Variants in LRCH1 observed in about 807,000 individuals in gnomAD.
LRCH1 encodes the protein leucine rich repeats and calponin homology domain containing 1, also known as leucine-rich repeat and calponin homology domain-containing protein 1.
A neutral mutation model predicts 94.9 loss-of-function variants in LRCH1; 23 were observed. The observed-to-expected ratio is 0.24, with a 90% CI of 0.17 to 0.34. LRCH1 has a LOEUF of 0.34. LRCH1 is among the 10% of genes least tolerant of loss of function. The pLI is 1.00. For synonymous variants in LRCH1, 364 were observed against 354.9 expected (o/e 1.03, Z -0.29); for missense variants, 790 against 945.9 (o/e 0.84, Z 2.16).
intron 3 of LRCH1, among the ~76,000 whole-genome samples, chr13:46,675,608 T>TG (rs1366977738): frequency 6.6e-6 from 1 of 152,224 alleles, no homozygotes; most frequent in Non-Finnish European, 1.5e-5. Flanking sequence ...GATTGATTAT[T>TG]GAGCAGCTGC....
chr13:46,695,165 C>A, intron 9 of LRCH1, 148 bp downstream of exon 9: 2 of 926,174 alleles, frequency 2.2e-6, no homozygotes, highest in South Asian at 1.7e-5. Flanking sequence ...CAGCGCTCAG[C>A]GTGTCTATTT....
At position 46,740,952 on chromosome 13, in the gene LRCH1, A is replaced by G. The variant is rs73488544; in HGVS notation, c.2086-690A>G. Among the ~76,000 whole-genome samples, 217 of 152,312 alleles carry G rather than the reference A, an allele frequency of 1.4e-3. 1 individual carries two copies. Among genetic ancestry groups the G allele is most frequent in the African/African-American group, 3.7e-3 (154 of 41,562 alleles). On this transcript the variant is annotated intron_variant, in intron 19 of 19. Transcript: ENST00000389797. ...CCTGTTTAGTAGTGAAGCAATTTAC[A>G]TAGTAACTCCATGTGGGGGTGTACT...
chr13:46,719,472 A>G (rs1489606418), intron 16 of LRCH1, among the ~76,000 whole-genome samples: 1 of 152,204 alleles, frequency 6.6e-6, no homozygotes. Context: ...GACACAGATA[A>G]AAGAATTTTG....
chr13:46,576,846 T>C (rs1279127257), intron 1 of LRCH1, among the ~76,000 whole-genome samples: 1 of 152,222 alleles, frequency 6.6e-6, no homozygotes, highest in Non-Finnish European at 1.5e-5. Flanking sequence ...ACATTTATGA[T>C]GGCACAGTTT....
chr13:46,744,710 A>G lies in LRCH1; in HGVS notation c.*2862A>G. ...AGATGCCTGATTGAGTCATAAGGAC[A>G]AAAGGGTGTTTTGCCTTTGCCTGTG... On this transcript the variant is annotated 3_prime_UTR_variant, in exon 20 of 20. Transcript: ENST00000389797. The G allele has an allele frequency of 2.0e-6, 2 of 985,470 alleles. No homozygotes were observed. Among genetic ancestry groups the G allele is most frequent in the Non-Finnish European group, 2.4e-6 (2 of 829,942 alleles). 61.0% of individuals were successfully genotyped at this position (985,470 alleles called of 1,614,324 possible).
At chr13:46,697,427 C>T (rs1413766464) in intron 9 of LRCH1, among the ~76,000 whole-genome samples, 2 of 152,138 alleles carry the variant, frequency 1.3e-5, no homozygotes, top group African/African-American at 2.4e-5. Flanking sequence ...AACTCATGCC[C>T]GAAGGAAGCT....
chr13:46,578,696 T>C (rs1221488553), intron 1 of LRCH1, among the ~76,000 whole-genome samples: 1 of 152,230 alleles, frequency 6.6e-6, no homozygotes, highest in Non-Finnish European at 1.5e-5. Context: ...GGGCAGTCCC[T>C]GAGAGCTGGT....
intron 1 of LRCH1, among the ~76,000 whole-genome samples, chr13:46,610,578 G>GT (rs1013363815): frequency 6.6e-6 from 1 of 151,116 alleles, no homozygotes; most frequent in African/African-American, 2.4e-5. Context: ...AGGATGTTTG[G>GT]TTTTTCATTC....
chr13:46,699,775 C>T (rs750747221), intron 10 of LRCH1, among the ~76,000 whole-genome samples: 5 of 152,208 alleles, frequency 3.3e-5, no homozygotes, highest in Admixed American at 1.3e-4. Flanking sequence ...CAAGTCATCC[C>T]CTTCAAGATC....
chr13:46,581,269 C>A (rs1431792825), intron 1 of LRCH1, among the ~76,000 whole-genome samples: 1 of 152,170 alleles, frequency 6.6e-6, no homozygotes, highest in African/African-American at 2.4e-5. Flanking sequence ...ACCTCAGCCC[C>A]CTAGACCTCT....
exon 19 of LRCH1, chr13:46,751,352 A>G (rs963669996): frequency 2.0e-5 from 3 of 152,162 alleles, no homozygotes; most frequent in African/African-American, 4.8e-5. Context: ...TTTAGGACAC[A>G]ACTTTTCTGG....
At chr13:46,593,176 C>G (rs535390045) in intron 1 of LRCH1, among the ~76,000 whole-genome samples, 1 of 151,798 alleles carries the variant, frequency 6.6e-6, no homozygotes, top group Admixed American at 6.6e-5. Flanking sequence ...TTCAGTACTT[C>G]CATTTACTCA....
chr13:46,589,412 G>A (rs1203015121), intron 1 of LRCH1, among the ~76,000 whole-genome samples: 1 of 151,744 alleles, frequency 6.6e-6, no homozygotes, highest in Admixed American at 6.6e-5. Context: ...AAAAATGAAC[G>A]ATAATTTTCT....
In LRCH1 at chr13:46,731,366, G is replaced by T. The variant is rs577210980; in HGVS notation, c.2007+2382G>T. Among the ~76,000 whole-genome samples the T allele has an allele frequency of 1.1e-4, 17 of 152,120 alleles. 1 individual carries two copies. The South Asian group carries it at 3.3e-3, about 30-fold the overall frequency. ...GTGGCTCAGCCTCCTGAATAGCTGG[G>T]ATTACAGGTGCCCACCACCACGCCT... On this transcript the variant is annotated intron_variant, in intron 18 of 19. Coordinates refer to ENST00000389797, the MANE Select transcript of LRCH1 (RefSeq NM_001164211.2).
intron 1 of LRCH1, among the ~76,000 whole-genome samples, chr13:46,638,330 G>C (rs745333961): frequency 3.9e-5 from 6 of 152,154 alleles, no homozygotes; most frequent in Non-Finnish European, 7.4e-5. Flanking sequence ...GATAAAACTT[G>C]TGGCAATAAT....
chr13:46,619,935 T>A (rs202105696), intron 1 of LRCH1, among the ~76,000 whole-genome samples: 1 of 152,246 alleles, frequency 6.6e-6, no homozygotes, highest in East Asian at 1.9e-4. Flanking sequence ...TACATTTTAG[T>A]TCTTTCAATA....
chr13:46,596,390 T>C (rs1448123561), intron 1 of LRCH1, among the ~76,000 whole-genome samples: 1 of 152,072 alleles, frequency 6.6e-6, no homozygotes, highest in East Asian at 1.9e-4. Flanking sequence ...TCCAGGGAGA[T>C]AAAAAAAATC....
intron 1 of LRCH1, among the ~76,000 whole-genome samples, chr13:46,589,114 G>A (rs1350892988): frequency 1.3e-5 from 2 of 152,070 alleles, no homozygotes; most frequent in East Asian, 1.9e-4. Flanking sequence ...ATAGCTCACT[G>A]CAGCCTCGAA....
chr13:46,673,402 A>C (rs1332623601), intron 3 of LRCH1, among the ~76,000 whole-genome samples: 1 of 152,262 alleles, frequency 6.6e-6, no homozygotes, highest in Non-Finnish European at 1.5e-5. Context: ...GGTCTAAAAA[A>C]AAGATTATTT....
Sources: gnomAD v4.1 joint callset for allele counts (sites outside exome capture counted in the v4.1 genomes callset) on GRCh38, gnomAD v4.1.1 for gene constraint, MANE v1.5 for transcripts, NCBI Gene and HGNC (gene_info 2026-07-23, HGNC 2026-07-21) for gene names.